SYNPR: variants seen among roughly 807,000 people sequenced by gnomAD.
The protein encoded by SYNPR is synaptoporin.
SYNPR carries 23 observed loss-of-function variants against 32.9 expected under a neutral mutation model. That is an observed-to-expected ratio of 0.70 (90% CI 0.50 to 0.99). SYNPR has a LOEUF of 0.99. Ranked by LOEUF, SYNPR falls within the 50% of genes least tolerant of loss-of-function variation. The pLI, the probability that SYNPR is intolerant of heterozygous loss-of-function variation, is 0.00. For missense variants in SYNPR, 318 were observed against 349.3 expected, an observed-to-expected ratio of 0.91 and a Z score of 0.71; for synonymous variants, 146 against 135.9, an observed-to-expected ratio of 1.07 and a Z score of -0.52.
At chr3:63,291,709 A>G (rs569290974) in intron 2 of SYNPR, among the ~76,000 whole-genome samples, 2 of 152,308 alleles carry the variant, frequency 1.3e-5, no homozygotes, top group East Asian at 3.9e-4. Context: ...CATTGGTGAA[A>G]AAAAAAGAAT....
intron 4 of SYNPR, among the ~76,000 whole-genome samples, chr3:63,607,655 T>C (rs1401069313): frequency 1.3e-5 from 2 of 152,214 alleles, no homozygotes; most frequent in Non-Finnish European, 2.9e-5. Context: ...CCCTTAGTTT[T>C]CTAGAGCCAA....
intron 2 of SYNPR, among the ~76,000 whole-genome samples, chr3:63,278,948 G>C (rs1433461525): frequency 6.6e-6 from 1 of 152,178 alleles, no homozygotes; most frequent in Non-Finnish European, 1.5e-5. Context: ...GCGGGAGTGT[G>C]GACGCATTTT....
intron 2 of SYNPR, among the ~76,000 whole-genome samples, chr3:63,434,363 T>C (rs930192476): frequency 5.3e-5 from 8 of 152,234 alleles, no homozygotes; most frequent in African/African-American, 1.9e-4. Context: ...CAGCTGTGTA[T>C]TATTTATATA....
At chr3:63,280,766 T>A (rs991691820) in intron 2 of SYNPR, among the ~76,000 whole-genome samples, 3 of 151,936 alleles carry the variant, frequency 2.0e-5, no homozygotes, top group Non-Finnish European at 2.9e-5. Flanking sequence ...TGTGTGTGTG[T>A]GAGAGAAAGA....
chr3:63,457,142 A>C (rs1247020806), intron 2 of SYNPR, among the ~76,000 whole-genome samples: 1 of 152,022 alleles, frequency 6.6e-6, no homozygotes, highest in Admixed American at 6.6e-5. Flanking sequence ...ACCTCTCGGG[A>C]AGTTATCTGG....
At chr3:63,250,431 C>T (rs1560168313) in intron 1 of SYNPR, among the ~76,000 whole-genome samples, 1 of 152,118 alleles carries the variant, frequency 6.6e-6, no homozygotes, top group Non-Finnish European at 1.5e-5. Context: ...ACTAGCCTTT[C>T]TGAAGTGCCT....
intron 3 of SYNPR, among the ~76,000 whole-genome samples, chr3:63,532,582 T>C (rs569588951): frequency 6.6e-6 from 1 of 152,344 alleles, no homozygotes; most frequent in South Asian, 2.1e-4. Flanking sequence ...GTCCTTGCTG[T>C]TGTCTCCTTT....
intron 3 of SYNPR, among the ~76,000 whole-genome samples, chr3:63,272,643 T>C (rs1365930018): frequency 1.3e-5 from 2 of 151,924 alleles, no homozygotes; most frequent in Non-Finnish European, 2.9e-5. Context: ...TATCAAATAA[T>C]TGAAACTCAC....
chr3:63,297,764 T>C (rs2086805279), intron 2 of SYNPR, among the ~76,000 whole-genome samples: 1 of 152,120 alleles, frequency 6.6e-6, no homozygotes, highest in Non-Finnish European at 1.5e-5. Flanking sequence ...TGCTGCTGAT[T>C]GGCTGGAGAT....
chr3:63,379,390 G>T (rs1460662015), intron 2 of SYNPR, among the ~76,000 whole-genome samples: 2 of 151,986 alleles, frequency 1.3e-5, no homozygotes, highest in Admixed American at 6.6e-5. Context: ...CTTTCTACTT[G>T]TTTCATCAAT....
chr3:63,255,797 G>T (rs2086377255), intron 2 of SYNPR, among the ~76,000 whole-genome samples: 1 of 152,164 alleles, frequency 6.6e-6, no homozygotes, highest in African/African-American at 2.4e-5. Flanking sequence ...AAGTGCAAGG[G>T]GTCAGGGAAT....
chr3:63,206,167 G>A, the SYNPR span, among the ~76,000 whole-genome samples: 6 of 152,080 alleles, frequency 3.9e-5, no homozygotes, highest in African/African-American at 7.3e-5. Context: ...TTTCTGAGAC[G>A]GGAAAATTCT....
chr3:63,241,242 C>T (rs1212980966), intron 1 of SYNPR, among the ~76,000 whole-genome samples: 12 of 152,058 alleles, frequency 7.9e-5, no homozygotes, highest in Admixed American at 6.6e-4. Context: ...AATGGACCTC[C>T]GTATTCTCCC....
At chr3:63,494,395 A>ATATATATATATATATATATATACG (rs1575674214) in intron 3 of SYNPR, among the ~76,000 whole-genome samples, 4 of 30,754 alleles carry the variant, frequency 1.3e-4, no homozygotes, top group South Asian at 1.2e-3. Context: ...GTTAATTCTT[A>ATATATATATATATATATATATACG]TATATATATA....
At chr3:63,365,489 T>C (rs1442929441) in intron 2 of SYNPR, among the ~76,000 whole-genome samples, 2 of 152,136 alleles carry the variant, frequency 1.3e-5, no homozygotes, top group African/African-American at 2.4e-5. Flanking sequence ...GCATAAGAAG[T>C]TTAATTTTAA....
intron 4 of SYNPR, among the ~76,000 whole-genome samples, chr3:63,608,363 A>G (rs1371940254): frequency 6.6e-6 from 1 of 152,138 alleles, no homozygotes; most frequent in African/African-American, 2.4e-5. Context: ...GCAACTTTCT[A>G]TGTGTTACCT....
intron 2 of SYNPR, among the ~76,000 whole-genome samples, chr3:63,415,353 G>C (rs764860011): frequency 4.0e-5 from 6 of 151,500 alleles, no homozygotes; most frequent in Non-Finnish European, 8.8e-5. Flanking sequence ...GTCTAGACCA[G>C]AGACTGGCAA....
chr3:63,464,046 C>T (rs1215950217), intron 2 of SYNPR, among the ~76,000 whole-genome samples: 2 of 152,186 alleles, frequency 1.3e-5, no homozygotes, highest in African/African-American at 4.8e-5. Flanking sequence ...TTCATATACA[C>T]TTGTGAGTTT....
intron 2 of SYNPR, among the ~76,000 whole-genome samples, chr3:63,355,277 A>C (rs1330293450): frequency 9.2e-6 from 1 of 108,468 alleles, no homozygotes; most frequent in Non-Finnish European, 1.7e-5. Context: ...AGACCCTGTC[A>C]AAAAAAAAAA....
Sources: gnomAD v4.1 joint callset for allele counts (sites outside exome capture counted in the v4.1 genomes callset) on GRCh38, gnomAD v4.1.1 for gene constraint, MANE v1.5 for transcripts, NCBI Gene and HGNC (gene_info 2026-07-23, HGNC 2026-07-21) for gene names.